Variants in PRXL2A observed in about 807,000 individuals in gnomAD.
PRXL2A encodes the protein peroxiredoxin like 2A.
A neutral mutation model predicts 25.6 loss-of-function variants in PRXL2A; 26 were observed. The observed-to-expected ratio is 1.02, with a 90% CI of 0.74 to 1.41. PRXL2A has a LOEUF of 1.41. Ranked by LOEUF, PRXL2A falls within the 40% of genes most tolerant of loss-of-function variation. The pLI, the probability that PRXL2A is intolerant of heterozygous loss-of-function variation, is 0.00. For missense variants in PRXL2A, 246 were observed against 273.9 expected, an observed-to-expected ratio of 0.90 and a Z score of 0.72; for synonymous variants, 98 against 102.9, an observed-to-expected ratio of 0.95 and a Z score of 0.29.
chr10:80,428,777 A>G (rs1358246466), intron 5 of PRXL2A, among the ~76,000 whole-genome samples: 5 of 152,208 alleles, frequency 3.3e-5, no homozygotes, highest in African/African-American at 9.7e-5. Context: ...ACGTGTAGAA[A>G]GTGTTTTCTT....
Position 80,434,594 on chromosome 10 carries a change from G to C in PRXL2A, c.*2495G>C, listed in dbSNP as rs1589218466. The C allele has an allele frequency of 6.6e-6, 1 of 152,204 alleles. No homozygotes were observed. Among genetic ancestry groups the C allele is most frequent in the East Asian group, 1.9e-4 (1 of 5,194 alleles). The allele number at this position is 152,204 out of a possible 1,614,324, so 9.4% of individuals were successfully genotyped here. A position where few individuals can be genotyped will look rare whatever the true frequency, so the allele number is the denominator to read the frequency against. ...ATAGAACTGAGCTTAGCTCCAATCT[G>C]TGCAGAGGTGATGGAATTTTAAAGA... is the stretch of plus-strand genomic sequence containing the variant. On this transcript the variant is annotated 3_prime_UTR_variant, in exon 6 of 6. Transcript: ENST00000606162.
intron 2 of PRXL2A, among the ~76,000 whole-genome samples, chr10:80,421,521 A>G (rs1158623456): frequency 4.1e-4 from 62 of 152,166 alleles, no homozygotes; most frequent in Non-Finnish European, 1.0e-4. Context: ...GAGATTGTGC[A>G]GGTTTATAGT....
At chr10:80,428,285 G>A (rs1845122349) in intron 5 of PRXL2A, among the ~76,000 whole-genome samples, 1 of 152,236 alleles carries the variant, frequency 6.6e-6, no homozygotes, top group Non-Finnish European at 1.5e-5. Context: ...AGTCTAGGCA[G>A]CCTTGAGCCA....
At chr10:80,427,745 T>C (rs937994649) in intron 5 of PRXL2A, among the ~76,000 whole-genome samples, 3 of 152,186 alleles carry the variant, frequency 2.0e-5, no homozygotes, top group African/African-American at 7.2e-5. Flanking sequence ...TTGATCATTT[T>C]GCAGACAAGG....
Position 80,432,049 on chromosome 10 carries a change from G to A in PRXL2A, c.640G>A (p.Glu214Lys). ...CAAAGTAAACCTACTTTCTGTTCTG[G>A]AAGCTGCTAAGATGATCAAACCACA... Reference protein sequence around the residue: ...GDKVNLLSVLEAAKMIKPQTL... With the variant: ...GDKVNLLSVLKAAKMIKPQTL... Residue 214 changes from glutamate to lysine, a missense_variant, in exon 6 of 6, where the codon GAA becomes AAA. Coordinates refer to ENST00000606162, the MANE Select transcript of PRXL2A (RefSeq NM_032333.5). 6.2e-7 allele frequency: 1 copy of A among 1,610,932 alleles called. No homozygotes were observed. The highest frequency in any genetic ancestry group is 8.5e-7 in the Non-Finnish European group (1 of 1,179,286).
chr10:80,413,523 G>T lies in PRXL2A; in HGVS notation c.-3+4880G>T, dbSNP rs138748244. On this transcript the variant is annotated intron_variant, in intron 1 of 5. Coordinates refer to ENST00000606162, the MANE Select transcript of PRXL2A (RefSeq NM_032333.5). ...TCTTTTATTTGCGCTAGTATGACAT[G>T]TGGGCTGTGTTACGAGCTTTGCTTC... 3.3e-3 allele frequency among the ~76,000 whole-genome samples: 506 copies of T among 152,368 alleles called. 3 individuals are homozygous for T. Among genetic ancestry groups the T allele is most frequent in the African/African-American group, 0.012 (486 of 41,574 alleles).
At position 80,434,015 on chromosome 10, in the gene PRXL2A, C is replaced by T. The variant is rs1373674480; in HGVS notation, c.*1916C>T. 3.3e-5 allele frequency: 5 copies of T among 152,234 alleles called. No homozygotes were observed. Among genetic ancestry groups the T allele is most frequent in the Admixed American group, 2.6e-4 (4 of 15,276 alleles). 9.4% of individuals were successfully genotyped at this position (152,234 alleles called of 1,614,324 possible). ...AGACGGGGTGGTACATGCCTGTAAT[C>T]CCAGCTACTTGGGAGGCTGAGGCAG... On this transcript the variant is annotated 3_prime_UTR_variant, in exon 6 of 6. Transcript: ENST00000606162.
At chr10:80,428,762 C>T (rs755269623) in intron 5 of PRXL2A, among the ~76,000 whole-genome samples, 1 of 152,168 alleles carries the variant, frequency 6.6e-6, no homozygotes, top group African/African-American at 2.4e-5. Context: ...TTGGACATGA[C>T]ATTAACGTGT....
chr10:80,409,117 G>A (rs903646963), intron 1 of PRXL2A: 15 of 977,632 alleles, frequency 1.5e-5, no homozygotes, highest in African/African-American at 5.3e-5. Flanking sequence ...GCTTAGGGTC[G>A]TGTCTTTTAA....
At chr10:80,416,930 G>A (rs1292022041) in intron 1 of PRXL2A, among the ~76,000 whole-genome samples, 4 of 147,944 alleles carry the variant, frequency 2.7e-5, no homozygotes, top group East Asian at 2.0e-4. Context: ...GGTCCCTCAT[G>A]TCAGACTGTT....
At chr10:80,413,913 T>C (rs1361265255) in intron 1 of PRXL2A, 10 of 1,206,610 alleles carry the variant, frequency 8.3e-6, no homozygotes, top group Non-Finnish European at 1.1e-5. Flanking sequence ...GCGTCTGAGG[T>C]TGGGGGTAAG....
At position 80,435,580 on chromosome 10, in the gene PRXL2A, A is replaced by G. The variant is rs935859349; in HGVS notation, c.*3481A>G. The G allele has an allele frequency of 6.6e-6, 1 of 151,574 alleles. No individual in the cohort carries two copies. Among genetic ancestry groups the G allele is most frequent in the Non-Finnish European group, 1.5e-5 (1 of 68,014 alleles). The allele number at this position is 151,574 out of a possible 1,614,324, so 9.4% of individuals were successfully genotyped here. On this transcript the variant is annotated 3_prime_UTR_variant, in exon 6 of 6. Transcript: ENST00000606162. ...TCACTGCAGCTGCAAACTGGCTGCA[A>G]GCTGTTCTGGCTCAGCCTACCAAGT... is the stretch of plus-strand genomic sequence containing the variant.
At chr10:80,414,945 G>A (rs1844608099) in intron 1 of PRXL2A, among the ~76,000 whole-genome samples, 1 of 152,130 alleles carries the variant, frequency 6.6e-6, no homozygotes, top group South Asian at 2.1e-4. Flanking sequence ...TTTGTGTGTA[G>A]GAAAAATTGT....
chr10:80,423,283 T>C (rs1355628725), intron 3 of PRXL2A, among the ~76,000 whole-genome samples: 1 of 152,254 alleles, frequency 6.6e-6, no homozygotes, highest in Non-Finnish European at 1.5e-5. Flanking sequence ...GATCTAGCCT[T>C]GTCCCTTTAT....
chr10:80,422,625 T>C, intron 3 of PRXL2A, 117 bp downstream of exon 3: 1 of 669,324 alleles, frequency 1.5e-6, no homozygotes, highest in Non-Finnish European at 2.5e-6. Flanking sequence ...ACATGTTCTG[T>C]TCTGTTATTT....
chr10:80,412,382 G>C (rs1437056339), intron 1 of PRXL2A, among the ~76,000 whole-genome samples: 1 of 152,172 alleles, frequency 6.6e-6, no homozygotes, highest in Non-Finnish European at 1.5e-5. Context: ...GAATTGAGTA[G>C]TTATAAGTTC....
At chr10:80,419,512 T>C (rs914289502) in intron 1 of PRXL2A, among the ~76,000 whole-genome samples, 1 of 148,710 alleles carries the variant, frequency 6.7e-6, no homozygotes, top group Admixed American at 6.8e-5. Context: ...TTCTTCATGT[T>C]AGTCAGGCTG....
intron 5 of PRXL2A, 43 bp from the exon 6 acceptor site, chr10:80,431,943 C>T (rs977840000): frequency 9.7e-6 from 14 of 1,438,406 alleles, no homozygotes; most frequent in African/African-American, 2.8e-5. Flanking sequence ...CATGAACGAA[C>T]GATTTAGGAT....
At position 80,427,328 on chromosome 10, in the gene PRXL2A, A is replaced by G. The variant is rs781110569; in HGVS notation, c.412-4A>G. The G allele has an allele frequency of 1.9e-6, 3 of 1,613,828 alleles. No individual in the cohort carries two copies. The highest frequency in any genetic ancestry group is 2.7e-5 in the African/African-American group (2 of 75,014). On this transcript the variant is annotated splice_region_variant and splice_polypyrimidine_tract_variant and intron_variant, in intron 4 of 5. Coordinates refer to ENST00000606162, the MANE Select transcript of PRXL2A (RefSeq NM_032333.5). Reference sequence around the variant, plus strand: ...ATATGGGATCTGTCTTTCTCACTCCATAGAAAAAGTTCTATGGTCCACAAA... The same window carrying G: ...ATATGGGATCTGTCTTTCTCACTCCGTAGAAAAAGTTCTATGGTCCACAAA...
Sources: allele counts gnomAD v4.1 joint callset (sites outside exome capture counted in the v4.1 genomes callset), GRCh38; gene constraint gnomAD v4.1.1; transcripts MANE v1.5; gene names NCBI Gene and HGNC (gene_info 2026-07-23, HGNC 2026-07-21).